The following TRIP4 variants were observed in gnomAD, a reference collection of about 807,000 sequenced individuals.
The protein encoded by TRIP4 is thyroid hormone receptor interactor 4.
Under a neutral mutation model 81.8 loss-of-function variants are expected in TRIP4, and 54 were observed. That is an observed-to-expected ratio of 0.66 (90% CI 0.53 to 0.83). The LOEUF (loss-of-function observed/expected upper bound fraction) is 0.83. Ranked by LOEUF, TRIP4 falls within the 40% of genes least tolerant of loss-of-function variation. The probability of loss-of-function intolerance (pLI) is 0.00; values close to 1 mark genes in which losing one functional copy is unlikely to be tolerated. For missense variants in TRIP4, 662 were observed against 683.6 expected, an observed-to-expected ratio of 0.97 and a Z score of 0.35; for synonymous variants, 270 against 242.8, an observed-to-expected ratio of 1.11 and a Z score of -1.04.
intron 6 of TRIP4, among the ~76,000 whole-genome samples, chr15:64,408,084 G>A (rs1482621456): frequency 4.1e-5 from 6 of 146,190 alleles, no homozygotes; most frequent in Non-Finnish European, 9.0e-5. Context: ...GTGTCACAGC[G>A]AGATTGTCTC....
intron 12 of TRIP4, among the ~76,000 whole-genome samples, chr15:64,445,922 A>G (rs1405589264): frequency 2.0e-5 from 3 of 152,150 alleles, no homozygotes; most frequent in Non-Finnish European, 4.4e-5. Flanking sequence ...AGGAAGTAGT[A>G]AGGCAGTGCA....
intron 6 of TRIP4, 84 bp from the exon 7 acceptor site, chr15:64,409,529 T>G: frequency 7.6e-7 from 1 of 1,315,420 alleles, no homozygotes; most frequent in Non-Finnish European, 1.1e-6. Context: ...TTTGAGATAT[T>G]AAGTTACCTT....
intron 6 of TRIP4, among the ~76,000 whole-genome samples, chr15:64,407,351 A>T (rs542557079): frequency 6.6e-6 from 1 of 152,024 alleles, no homozygotes; most frequent in Non-Finnish European, 1.5e-5. Context: ...ATTTCACCCT[A>T]CTCAGTAGAA....
chr15:64,402,727 T>C (rs1011554814), intron 5 of TRIP4, among the ~76,000 whole-genome samples: 4 of 152,046 alleles, frequency 2.6e-5, no homozygotes, highest in African/African-American at 7.3e-5. Flanking sequence ...GGTTCTCCCA[T>C]GTTGACTAGG....
chr15:64,446,989 A>G (rs2039027439), intron 12 of TRIP4, among the ~76,000 whole-genome samples: 1 of 152,086 alleles, frequency 6.6e-6, no homozygotes, highest in South Asian at 2.1e-4. Flanking sequence ...CTGTAGTCCC[A>G]GCTACTCGGG....
At chr15:64,410,451 T>C (rs995342373) in intron 7 of TRIP4, among the ~76,000 whole-genome samples, 10 of 152,338 alleles carry the variant, frequency 6.6e-5, no homozygotes, top group Admixed American at 2.6e-4. Flanking sequence ...TGTATATATG[T>C]ATGTGAGTTT....
chr15:64,416,414 C>T (rs780727518), intron 8 of TRIP4, among the ~76,000 whole-genome samples: 30 of 151,834 alleles, frequency 2.0e-4, no homozygotes, highest in African/African-American at 6.0e-4. Context: ...GTTCACATAC[C>T]AACATTTTAT....
intron 1 of TRIP4, among the ~76,000 whole-genome samples, chr15:64,389,287 C>T (rs918943349): frequency 2.6e-4 from 39 of 152,046 alleles, no homozygotes; most frequent in African/African-American, 8.5e-4. Flanking sequence ...TTCTGAGTTT[C>T]GGAGAAAATA....
chr15:64,400,863 A>G, intron 5 of TRIP4, 42 bp downstream of exon 5: 1 of 1,492,988 alleles, frequency 6.7e-7, no homozygotes, highest in Non-Finnish European at 9.3e-7. Flanking sequence ...GATGATGGGT[A>G]CCTTGTTGCG....
intron 5 of TRIP4, among the ~76,000 whole-genome samples, chr15:64,405,563 G>C (rs985634908): frequency 6.6e-6 from 1 of 152,172 alleles, no homozygotes; most frequent in African/African-American, 2.4e-5. Flanking sequence ...CAGGGTTATT[G>C]CGAAAATTAA....
At position 64,406,350 on chromosome 15, in the gene TRIP4, G is replaced by T. The variant is rs746545885; in HGVS notation, c.718G>T (p.Val240Leu). 1 of 1,614,038 alleles carries T rather than the reference G, an allele frequency of 6.2e-7. No individual in the cohort carries two copies. Among genetic ancestry groups the T allele is most frequent in the Non-Finnish European group, 8.5e-7 (1 of 1,179,986 alleles). ...LMSGVENSGK[V>L]DISTKDLLPH... Reference sequence around the variant, plus strand: ...TTCAGGAGTGGAGAATTCTGGAAAGGTGGACATCTCTACCAAGGACCTTCT... The same window carrying T: ...TTCAGGAGTGGAGAATTCTGGAAAGTTGGACATCTCTACCAAGGACCTTCT... The change falls in exon 6 of 13, where the codon GTG becomes TTG. Residue 240 changes from valine (V) to leucine (L), a missense_variant. Val to Leu is a conservative substitution (Grantham distance 32). Coordinates refer to ENST00000261884, the MANE Select transcript of TRIP4 (RefSeq NM_016213.5).
At position 64,409,767 on chromosome 15, in the gene TRIP4, A is replaced by G. The variant is rs756071320; in HGVS notation, c.982A>G (p.Ile328Val). The stretch of plus-strand genomic sequence containing the variant: ...CTCTCGACTTTCTAAGAAGGTCACC[A>G]TTGACTTTGCAGGAAGGAAGATCCT... ...HASRLSKKVT[I>V]DFAGRKILEE... Residue 328 changes from isoleucine (I) to valine (V), a missense_variant, in exon 7 of 13, where the codon ATT becomes GTT. Ile to Val is a conservative substitution (Grantham distance 29). Transcript: ENST00000261884. The G allele has an allele frequency of 3.1e-6, 5 of 1,614,204 alleles. No homozygotes were observed. The highest frequency in any genetic ancestry group is 8.5e-7 in the Non-Finnish European group (1 of 1,180,032).
chr15:64,447,295 C>G (rs1397017283), intron 12 of TRIP4, among the ~76,000 whole-genome samples: 3 of 152,192 alleles, frequency 2.0e-5, no homozygotes. Context: ...ATGCATTGTC[C>G]TCACTGGTGC....
chr15:64,440,459 C>T (rs200387631), intron 11 of TRIP4, among the ~76,000 whole-genome samples: 6 of 144,888 alleles, frequency 4.1e-5, no homozygotes, highest in African/African-American at 1.0e-4. Flanking sequence ...TTGTGGTTGT[C>T]TTTTTTTTTT....
chr15:64,407,677 T>C (rs981613121), intron 6 of TRIP4, among the ~76,000 whole-genome samples: 2 of 144,510 alleles, frequency 1.4e-5, no homozygotes, highest in African/African-American at 5.5e-5. Context: ...AAAAAAAAAA[T>C]AATAATAATA....
chr15:64,409,525 A>G, intron 6 of TRIP4, 88 bp from the exon 7 acceptor site: 1 of 1,255,996 alleles, frequency 8.0e-7, no homozygotes, highest in Non-Finnish European at 1.1e-6. Flanking sequence ...CATATTTGAG[A>G]TATTAAGTTA....
At chr15:64,443,359 G>A (rs141327289) in intron 11 of TRIP4, among the ~76,000 whole-genome samples, 2 of 152,306 alleles carry the variant, frequency 1.3e-5, no homozygotes, top group Admixed American at 1.3e-4. Context: ...GGTTTATGGT[G>A]TTGGAAAAGC....
At chr15:64,405,317 G>A (rs910715936) in intron 5 of TRIP4, among the ~76,000 whole-genome samples, 2 of 151,974 alleles carry the variant, frequency 1.3e-5, no homozygotes, top group Admixed American at 1.3e-4. Context: ...ACCATGCCTG[G>A]CTAATTTTTT....
chr15:64,414,036 G>A (rs893283345), intron 7 of TRIP4, 49 bp from the exon 8 acceptor site: 1 of 1,597,740 alleles, frequency 6.3e-7, no homozygotes, highest in Non-Finnish European at 8.6e-7. Context: ...TAAGCATTCT[G>A]AGCATAGAAC....
Sources: gnomAD v4.1 joint callset for allele counts (sites outside exome capture counted in the v4.1 genomes callset) on GRCh38, gnomAD v4.1.1 for gene constraint, MANE v1.5 for transcripts, NCBI Gene and HGNC (gene_info 2026-07-23, HGNC 2026-07-21) for gene names.